NQO2: variants seen among roughly 807,000 people sequenced by gnomAD.
NQO2 encodes ribosyldihydronicotinamide dehydrogenase [quinone].
In NQO2, 18 loss-of-function variants were observed where a neutral mutation model predicts 22.0. The observed-to-expected ratio is 0.82, with a 90% confidence interval of 0.56 to 1.21. The LOEUF is 1.21. Ranked by LOEUF, NQO2 falls within the 50% of genes most tolerant of loss-of-function variation. The probability of loss-of-function intolerance (pLI) is 0.00; values close to 1 mark genes in which losing one functional copy is unlikely to be tolerated. For missense variants in NQO2, 267 were observed against 286.9 expected, an observed-to-expected ratio of 0.93 and a Z score of 0.50; for synonymous variants, 106 against 110.8, an observed-to-expected ratio of 0.96 and a Z score of 0.28.
At chr6:3,007,171 G>A (rs374114222) in intron 2 of NQO2, among the ~76,000 whole-genome samples, 1 of 152,034 alleles carries the variant, frequency 6.6e-6, no homozygotes, top group Non-Finnish European at 1.5e-5. Flanking sequence ...GGGTCATCCT[G>A]TGCACCCTGT....
intron 5 of NQO2, chr6:3,016,680 C>T: frequency 1.1e-6 from 1 of 883,012 alleles, no homozygotes; most frequent in Non-Finnish European, 1.4e-6. Flanking sequence ...TCTGTGTCTG[C>T]TTGGTCCATT....
rs146678417 is a variant in NQO2 at position 3,015,538 on chromosome 6, G to A, written c.312G>A (p.Leu104=). 2.5e-6 allele frequency: 4 copies of A among 1,614,068 alleles called. No homozygotes were observed. The highest frequency in any genetic ancestry group is 3.3e-5 in the Admixed American group (2 of 60,020). Residue 104 remains leucine, a synonymous_variant, in exon 5 of 7, where the codon CTG becomes CTA. Transcript: ENST00000380455. The part of the protein sequence containing the change: ...EADLVIFQFP[L]YWFSVPAILK... The stretch of plus-strand genomic sequence containing the variant: ...GGTGTTGCCGCCCACAGTTCCCGCT[G>A]TACTGGTTCAGCGTGCCAGCCATCC...
intron 6 of NQO2, among the ~76,000 whole-genome samples, 165 bp downstream of exon 6, chr6:3,017,150 C>G (rs542264223): frequency 2.6e-5 from 4 of 152,334 alleles, no homozygotes; most frequent in African/African-American, 7.2e-5. Context: ...CATTTTGACT[C>G]CCCTGGATAC....
chr6:3,004,752 G>A (rs1378777423), intron 1 of NQO2: 2 of 525,808 alleles, frequency 3.8e-6, no homozygotes, highest in Admixed American at 1.3e-4. Flanking sequence ...CATGCGCGAT[G>A]CGTGTCTTCA....
chr6:3,013,045 T>C, intron 4 of NQO2, among the ~76,000 whole-genome samples: 1 of 132,744 alleles, frequency 7.5e-6, no homozygotes, highest in African/African-American at 2.8e-5. Flanking sequence ...AAGCTCCGCC[T>C]CCCGGGTTCA....
intron 5 of NQO2, among the ~76,000 whole-genome samples, chr6:3,016,490 GC>G (rs1341940836): frequency 6.7e-6 from 1 of 149,948 alleles, no homozygotes; most frequent in Admixed American, 6.6e-5. Context: ...GAAAATAAAT[GC>G]ACGTAAGGGA....
At chr6:3,017,341 C>T (rs1202568042) in intron 6 of NQO2, among the ~76,000 whole-genome samples, 4 of 152,152 alleles carry the variant, frequency 2.6e-5, no homozygotes, top group African/African-American at 4.8e-5. Flanking sequence ...TGTTGTGATA[C>T]GTGCGGGTGG....
chr6:3,012,389 C>T, intron 3 of NQO2, 155 bp from the exon 4 acceptor site: 1 of 985,436 alleles, frequency 1.0e-6, no homozygotes, highest in Non-Finnish European at 1.2e-6. Flanking sequence ...GCTTCTCTTT[C>T]CCTAGCTCGG....
rs1351351084 is a variant in NQO2 at position 3,010,065 on chromosome 6, G to A, written c.48G>A (p.Lys16=). ...VLIVYAHQEP[K]SFNGSLKNVA... is the part of the protein sequence containing the mutation. ...TTGTCTATGCACACCAGGAACCCAAGTCTTTCAACGGATCCTTGAAGAATG... is the reference window on the plus strand; with the variant it reads ...TTGTCTATGCACACCAGGAACCCAAATCTTTCAACGGATCCTTGAAGAATG... Residue 16 remains lysine (K), a synonymous_variant, in exon 3 of 7, where the codon AAG becomes AAA. Coordinates refer to ENST00000380455, the MANE Select transcript of NQO2 (RefSeq NM_000904.6). 3 of 1,614,086 alleles carry A rather than the reference G, an allele frequency of 1.9e-6. No homozygotes were observed. In the East Asian group the frequency reaches 6.7e-5, roughly 36 times the overall value.
intron 1 of NQO2, among the ~76,000 whole-genome samples, chr6:3,001,762 C>T (rs1386063003): frequency 6.6e-6 from 1 of 152,122 alleles, no homozygotes. Flanking sequence ...AATATCAGAG[C>T]CCACTTGACC....
At chr6:3,015,351 C>A in intron 4 of NQO2, 179 bp from the exon 5 acceptor site, 13 of 985,420 alleles carry the variant, frequency 1.3e-5, no homozygotes, top group Non-Finnish European at 1.6e-5. Context: ...TTGTCAACTC[C>A]GTTCCCGTCT....
intron 6 of NQO2, among the ~76,000 whole-genome samples, chr6:3,018,209 A>G (rs28383642): frequency 0.028 from 4,209 of 152,326 alleles, 90 homozygotes; most frequent in Non-Finnish European, 0.039. Context: ...TCCAGTAATA[A>G]AGTCATGTTG....
At chr6:3,015,085 G>A (rs961609358) in intron 4 of NQO2, 2 of 1,291,462 alleles carry the variant, frequency 1.5e-6, no homozygotes, top group Non-Finnish European at 2.0e-6. Flanking sequence ...ATACAAACAT[G>A]ACTTTAGTTG....
intron 6 of NQO2, 145 bp from the exon 7 acceptor site, chr6:3,019,334 A>G (rs551879308): frequency 2.2e-6 from 3 of 1,394,856 alleles, no homozygotes; most frequent in East Asian, 4.9e-5. Flanking sequence ...AGGGAAGTTT[A>G]GCTTTCAGTT....
intron 2 of NQO2, among the ~76,000 whole-genome samples, chr6:3,009,517 A>G (rs1322259433): frequency 6.6e-6 from 1 of 152,270 alleles, no homozygotes; most frequent in African/African-American, 2.4e-5. Context: ...TAAAGTAAAG[A>G]CAAGCATAGG....
intron 2 of NQO2, among the ~76,000 whole-genome samples, chr6:3,007,997 T>G (rs1757004945): frequency 6.6e-6 from 1 of 152,218 alleles, no homozygotes; most frequent in Admixed American, 6.5e-5. Flanking sequence ...AGGTTGGGCT[T>G]TTAAAAGATT....
Position 3,013,244 on chromosome 6 carries a change from C to T in NQO2, c.303+570C>T, listed in dbSNP as rs567392671. 1.2e-4 allele frequency among the ~76,000 whole-genome samples: 19 copies of T among 152,184 alleles called. No homozygotes were observed. The South Asian group carries it at 3.7e-3, about 30-fold the overall frequency. Reference sequence around the variant, plus strand: ...TGCTGGGATTACAGGCGTGAGCCACCGCGCCCGGCCGATGTAACACTACTT... The same window carrying T: ...TGCTGGGATTACAGGCGTGAGCCACTGCGCCCGGCCGATGTAACACTACTT... On this transcript the variant is annotated intron_variant, in intron 4 of 6. Transcript: ENST00000380455.
intron 3 of NQO2, among the ~76,000 whole-genome samples, chr6:3,010,413 A>T (rs1234163521): frequency 6.6e-6 from 1 of 151,710 alleles, no homozygotes; most frequent in Non-Finnish European, 1.5e-5. Context: ...CTCCAAGCAG[A>T]CGGTAAGAGA....
chr6:3,014,545 G>C (rs1757259811), intron 4 of NQO2, among the ~76,000 whole-genome samples: 1 of 152,200 alleles, frequency 6.6e-6, no homozygotes, highest in Admixed American at 6.5e-5. Flanking sequence ...TAACCCGGTG[G>C]CTGGGTAGGC....
Sources: allele counts gnomAD v4.1 joint callset (sites outside exome capture counted in the v4.1 genomes callset), GRCh38; gene constraint gnomAD v4.1.1; transcripts MANE v1.5; gene names NCBI Gene and HGNC (gene_info 2026-07-23, HGNC 2026-07-21).